TRHDE: variants seen among roughly 807,000 people sequenced by gnomAD.
TRHDE encodes thyrotropin releasing hormone degrading enzyme, also known as thyrotropin-releasing hormone-degrading ectoenzyme.
A neutral mutation model predicts 125.7 loss-of-function variants in TRHDE; 72 were observed. That is an observed-to-expected ratio of 0.57 (90% confidence interval 0.47 to 0.70). TRHDE has a LOEUF of 0.70. TRHDE is among the 30% of genes least tolerant of loss of function. TRHDE has a pLI of 0.00. For synonymous variants in TRHDE, 509 were observed against 509.1 expected (o/e 1.00, Z 0.00); for missense variants, 1,110 against 1,327.1 (o/e 0.84, Z 2.54).
At chr12:72,491,475 T>A (rs140486309) in intron 5 of TRHDE, among the ~76,000 whole-genome samples, 1 of 152,058 alleles carries the variant, frequency 6.6e-6, no homozygotes, top group East Asian at 1.9e-4. Context: ...ATAATAATAA[T>A]TTGGTTGTAT....
intron 2 of TRHDE, among the ~76,000 whole-genome samples, chr12:72,362,714 G>T (rs1424947383): frequency 1.9e-4 from 29 of 151,848 alleles, no homozygotes; most frequent in African/African-American, 5.6e-4. Flanking sequence ...GTTTAAGTCT[G>T]TAATCCATCT....
chr12:72,393,915 A>G (rs750730018), intron 3 of TRHDE, among the ~76,000 whole-genome samples: 43 of 152,318 alleles, frequency 2.8e-4, no homozygotes, highest in Non-Finnish European at 5.3e-4. Context: ...TAATATATCA[A>G]TCCAACTCTC....
intron 2 of TRHDE, among the ~76,000 whole-genome samples, chr12:72,373,794 G>A (rs975766534): frequency 1.3e-5 from 2 of 152,102 alleles, no homozygotes; most frequent in Non-Finnish European, 2.9e-5. Context: ...GGAAGCTAGT[G>A]TTATGAGTGG....
chr12:72,628,342 C>T (rs1439305112), intron 15 of TRHDE, among the ~76,000 whole-genome samples: 11 of 151,676 alleles, frequency 7.3e-5, no homozygotes, highest in Non-Finnish European at 5.9e-5. Context: ...AGGAGAGATG[C>T]ACATTCTTTA....
intron 2 of TRHDE, among the ~76,000 whole-genome samples, chr12:72,119,647 A>G (rs1320192703): frequency 6.6e-6 from 1 of 152,186 alleles, no homozygotes; most frequent in Non-Finnish European, 1.5e-5. Flanking sequence ...GTTTCTAGCT[A>G]TTATTGTATT....
chr12:72,287,057 A>C, intron 2 of TRHDE, 103 bp downstream of exon 2: 1 of 1,185,128 alleles, frequency 8.4e-7, no homozygotes, highest in South Asian at 1.6e-5. Context: ...TTTACACCTT[A>C]TATAGTGGAA....
At chr12:72,584,811 T>G (rs1871375050) in intron 12 of TRHDE, among the ~76,000 whole-genome samples, 1 of 152,210 alleles carries the variant, frequency 6.6e-6, no homozygotes, top group African/African-American at 2.4e-5. Flanking sequence ...GATAGAAACT[T>G]AGGTTAATTC....
intron 2 of TRHDE, among the ~76,000 whole-genome samples, chr12:72,366,912 A>G (rs1207668183): frequency 6.6e-6 from 1 of 152,072 alleles, no homozygotes; most frequent in East Asian, 1.9e-4. Flanking sequence ...TCAGTAAAGA[A>G]GTCTAAGTAA....
chr12:72,092,623 C>A (rs1315216776), intron 1 of TRHDE, among the ~76,000 whole-genome samples: 2 of 152,156 alleles, frequency 1.3e-5, no homozygotes, highest in Non-Finnish European at 2.9e-5. Context: ...CCAGAAAAGT[C>A]CCAAGACTTA....
chr12:72,215,806 G>T (rs1008701193), intron 2 of TRHDE, among the ~76,000 whole-genome samples: 2 of 152,110 alleles, frequency 1.3e-5, no homozygotes, highest in Non-Finnish European at 2.9e-5. Flanking sequence ...GGTGGTTGGC[G>T]CTCAGAAATG....
rs549881573 is a variant in TRHDE at position 72,652,579 on chromosome 12, T to C, written c.2843+90T>C. ...GAAGTTGCTTTTATTTACTTGAATATATGCTAGTTATTTTAAAATATATCT... is the reference window on the plus strand; with the variant it reads ...GAAGTTGCTTTTATTTACTTGAATACATGCTAGTTATTTTAAAATATATCT... On this transcript the variant is annotated intron_variant, in intron 16 of 18. Transcript: ENST00000261180. The C allele has an allele frequency of 3.1e-5, 28 of 909,272 alleles. 1 individual carries two copies. The South Asian group carries it at 5.3e-4, about 17-fold the overall frequency. The allele number at this position is 909,272 out of a possible 1,614,324, so 56.3% of individuals were successfully genotyped here.
intron 15 of TRHDE, among the ~76,000 whole-genome samples, chr12:72,636,240 TA>T (rs1873744515): frequency 6.6e-6 from 1 of 151,626 alleles, no homozygotes; most frequent in Non-Finnish European, 1.5e-5. Context: ...GTTGGATTCC[TA>T]GGTATTTTAT....
At chr12:72,468,115 A>G (rs1477771718) in intron 3 of TRHDE, among the ~76,000 whole-genome samples, 3 of 152,086 alleles carry the variant, frequency 2.0e-5, no homozygotes, top group Non-Finnish European at 4.4e-5. Flanking sequence ...AATGTTTATC[A>G]TTGTTATATG....
At position 72,663,120 on chromosome 12, in the gene TRHDE, CG is replaced by C. The variant is rs1874982251; in HGVS notation, c.3136del (p.Glu1046LysfsTer18). 1 of 1,612,992 alleles carries C rather than the reference CG, an allele frequency of 6.2e-7. No homozygotes were observed. Among genetic ancestry groups the C allele is most frequent in the Non-Finnish European group, 8.5e-7 (1 of 1,179,504 alleles). On this transcript the variant is annotated frameshift_variant, in exon 19 of 19. Transcript: ENST00000261180. LOFTEE classifies it high-confidence loss of function. ...CTTTCTCACGAGCTGTGGAAACTGT[CG>C]AAGCCAATGTGCGCTGGAAAATGCT... ...ASFSRAVETV[E>X]ANVRWKMLYQ...
chr12:72,386,009 C>G (rs138008391), intron 3 of TRHDE, among the ~76,000 whole-genome samples: 275 of 152,270 alleles, frequency 1.8e-3, no homozygotes, highest in African/African-American at 5.9e-3. Flanking sequence ...TTGTGCTCAG[C>G]AATGATAGTA....
At chr12:72,360,479 CAT>C (rs940677089) in intron 2 of TRHDE, among the ~76,000 whole-genome samples, 24 of 151,688 alleles carry the variant, frequency 1.6e-4, no homozygotes, top group African/African-American at 5.6e-4. Context: ...AGTCAATAAA[CAT>C]ATAAAATGAT....
At chr12:72,222,642 T>G (rs1878024703) in intron 2 of TRHDE, among the ~76,000 whole-genome samples, 1 of 152,152 alleles carries the variant, frequency 6.6e-6, no homozygotes, top group Non-Finnish European at 1.5e-5. Flanking sequence ...ATTATAGCAC[T>G]TGTTTCTTTT....
At chr12:72,639,497 C>T (rs1457402207) in intron 15 of TRHDE, among the ~76,000 whole-genome samples, 1 of 152,142 alleles carries the variant, frequency 6.6e-6, no homozygotes. Context: ...AGCCTTCTCT[C>T]AGCTCATCAA....
chr12:72,639,975 C>G (rs1259756231), intron 15 of TRHDE, among the ~76,000 whole-genome samples: 3 of 151,932 alleles, frequency 2.0e-5, no homozygotes, highest in Admixed American at 2.0e-4. Flanking sequence ...TGCCCTGCCC[C>G]CCAGAGGTGG....
Sources: gnomAD v4.1 joint callset for allele counts (sites outside exome capture counted in the v4.1 genomes callset) on GRCh38, gnomAD v4.1.1 for gene constraint, MANE v1.5 for transcripts, NCBI Gene and HGNC (gene_info 2026-07-23, HGNC 2026-07-21) for gene names.